The following CCDC178 variants were observed in gnomAD, a reference collection of about 807,000 sequenced individuals.
CCDC178 encodes coiled-coil domain containing 178, also known as coiled-coil domain-containing protein 178.
A neutral mutation model predicts 117.4 loss-of-function variants in CCDC178; 126 were observed. That is an observed-to-expected ratio of 1.07 (90% CI 0.93 to 1.24). CCDC178 has a LOEUF of 1.24. CCDC178 is among the 50% of genes most tolerant of loss of function. The probability of loss-of-function intolerance (pLI) is 0.00; values close to 1 mark genes in which losing one functional copy is unlikely to be tolerated. For synonymous variants in CCDC178, 283 were observed against 313.4 expected (o/e 0.90, Z 1.02); for missense variants, 1,030 against 986.9 (o/e 1.04, Z -0.59).
At chr18:32,972,591 C>G (rs749115939) in intron 22 of CCDC178, among the ~76,000 whole-genome samples, 2 of 151,862 alleles carry the variant, frequency 1.3e-5, no homozygotes, top group Non-Finnish European at 2.9e-5. Context: ...TGTTTTTAAA[C>G]AGGCATGATA....
At chr18:33,329,211 T>C (rs1445465747) in intron 10 of CCDC178, among the ~76,000 whole-genome samples, 1 of 152,028 alleles carries the variant, frequency 6.6e-6, no homozygotes, top group Admixed American at 6.5e-5. Flanking sequence ...GTATTTTCTA[T>C]ATGTTAGATC....
chr18:33,022,384 T>G (rs929912265), intron 21 of CCDC178, among the ~76,000 whole-genome samples: 1 of 152,210 alleles, frequency 6.6e-6, no homozygotes, highest in Non-Finnish European at 1.5e-5. Context: ...AAATTATATT[T>G]GGTGGTTGAA....
intron 15 of CCDC178, among the ~76,000 whole-genome samples, chr18:33,237,501 C>A (rs1316495702): frequency 2.0e-5 from 3 of 152,202 alleles, no homozygotes; most frequent in African/African-American, 7.2e-5. Flanking sequence ...GCCAGGCCAG[C>A]TGATCAGCTT....
At chr18:33,302,766 A>G (rs1599130645) in intron 11 of CCDC178, among the ~76,000 whole-genome samples, 1 of 152,368 alleles carries the variant, frequency 6.6e-6, no homozygotes, top group East Asian at 1.9e-4. Flanking sequence ...CAGAAAGTTC[A>G]AAGTTGCTTG....
intron 9 of CCDC178, among the ~76,000 whole-genome samples, chr18:33,344,852 CACATAT>C (rs1015585901): frequency 4.8e-5 from 5 of 104,272 alleles, no homozygotes; most frequent in Admixed American, 1.9e-4. Flanking sequence ...CACACACACA[CACATAT>C]ATTTATAAAT....
In CCDC178 at chr18:33,095,770, G is replaced by GTA. The variant is rs138104454; in HGVS notation, c.2239-2862_2239-2861dup. Among the ~76,000 whole-genome samples, 1,338 of 149,944 alleles carry GTA rather than the reference G, an allele frequency of 8.9e-3. 15 individuals are homozygous for GTA. Among genetic ancestry groups the GTA allele is most frequent in the African/African-American group, 0.028 (1,126 of 40,936 alleles). On this transcript the variant is annotated intron_variant, in intron 20 of 22. Coordinates refer to ENST00000383096, the MANE Select transcript of CCDC178 (RefSeq NM_001105528.4). ...TTTGATACTGTACTACTTGAGAGGT[G>GTA]TATATATATATATACACACTTTTAA...
intron 3 of CCDC178, among the ~76,000 whole-genome samples, chr18:33,408,535 A>C: frequency 6.6e-6 from 1 of 152,086 alleles, no homozygotes; most frequent in Non-Finnish European, 1.5e-5. Flanking sequence ...GTAATATATA[A>C]AATTAAATGA....
At chr18:33,207,550 G>GA (rs1380857663) in intron 20 of CCDC178, among the ~76,000 whole-genome samples, 2 of 150,200 alleles carry the variant, frequency 1.3e-5, no homozygotes, top group Non-Finnish European at 3.0e-5. Context: ...TGTTCCCTGA[G>GA]AAAATCATAA....
chr18:33,085,905 G>A (rs1173821013), intron 21 of CCDC178, among the ~76,000 whole-genome samples: 2 of 151,918 alleles, frequency 1.3e-5, no homozygotes, highest in Non-Finnish European at 2.9e-5. Context: ...ATGATTATAA[G>A]ATGTAGCTCT....
At chr18:32,943,448 T>TC (rs910490234) in intron 22 of CCDC178, among the ~76,000 whole-genome samples, 27 of 152,158 alleles carry the variant, frequency 1.8e-4, no homozygotes, top group African/African-American at 6.5e-4. Context: ...AACTAGTGCT[T>TC]CTTTTTTTTC....
At chr18:32,955,801 T>A (rs546401165) in intron 22 of CCDC178, among the ~76,000 whole-genome samples, 2 of 152,310 alleles carry the variant, frequency 1.3e-5, no homozygotes, top group African/African-American at 4.8e-5. Flanking sequence ...TTTCTTAGTG[T>A]TACATAATCT....
intron 21 of CCDC178, among the ~76,000 whole-genome samples, chr18:32,982,180 C>T (rs188191161): frequency 6.6e-6 from 1 of 152,062 alleles, no homozygotes; most frequent in Non-Finnish European, 1.5e-5. Context: ...CAAAAATTAA[C>T]TCCCCAAAGC....
intron 3 of CCDC178, among the ~76,000 whole-genome samples, chr18:33,408,206 C>A (rs992335958): frequency 4.6e-5 from 7 of 151,714 alleles, no homozygotes; most frequent in African/African-American, 1.7e-4. Flanking sequence ...AACAGGTTCA[C>A]AATTTATAGA....
intron 9 of CCDC178, among the ~76,000 whole-genome samples, chr18:33,344,964 G>A (rs1429415628): frequency 6.6e-6 from 1 of 151,772 alleles, no homozygotes; most frequent in Non-Finnish European, 1.5e-5. Context: ...ATATATAAAA[G>A]TTCTAATCTT....
At chr18:33,410,982 T>C (rs1013570270) in intron 3 of CCDC178, among the ~76,000 whole-genome samples, 5 of 152,122 alleles carry the variant, frequency 3.3e-5, no homozygotes, top group Admixed American at 3.3e-4. Flanking sequence ...GCCAAGACCC[T>C]AGACCTGTAA....
At chr18:33,156,986 T>A (rs1293137417) in intron 20 of CCDC178, among the ~76,000 whole-genome samples, 1 of 152,224 alleles carries the variant, frequency 6.6e-6, no homozygotes, top group Non-Finnish European at 1.5e-5. Context: ...TAAAACTTTG[T>A]ATCCAACATA....
At chr18:33,204,484 A>G (rs1194160643) in intron 20 of CCDC178, among the ~76,000 whole-genome samples, 1 of 152,128 alleles carries the variant, frequency 6.6e-6, no homozygotes, top group Non-Finnish European at 1.5e-5. Context: ...TGTACCAAAA[A>G]CTGTTTTAAG....
chr18:33,384,163 A>G (rs1379460885), intron 5 of CCDC178, among the ~76,000 whole-genome samples: 1 of 152,102 alleles, frequency 6.6e-6, no homozygotes, highest in Non-Finnish European at 1.5e-5. Context: ...AAGATTAGAT[A>G]AAAAAGAATG....
Position 33,092,876 on chromosome 18 carries a change from C to A in CCDC178, c.2273G>T (p.Arg758Leu), listed in dbSNP as rs62090751. Residue 758 changes from arginine (R) to leucine (L), a missense_variant, in exon 21 of 23, where the codon CGT becomes CTT. Physicochemically the swap from Arg to Leu is moderately radical, Grantham distance 102 (BLOSUM62 -2). Transcript: ENST00000383096. ...TAGCTGTTGATACTCTTGAGCTAAA[C>A]GCAGATTTTCTTCAAGTGAATCAGC... ...IIADSLEENL[R>L]LAQEYQQLQI... 3.3e-3 allele frequency: 5,132 copies of A among 1,568,174 alleles called. 12 individuals are homozygous for A. Among genetic ancestry groups the A allele is most frequent in the Non-Finnish European group, 3.5e-3 (4,103 of 1,159,896 alleles).
Sources: gnomAD v4.1 joint callset for allele counts (sites outside exome capture counted in the v4.1 genomes callset) on GRCh38, gnomAD v4.1.1 for gene constraint, MANE v1.5 for transcripts, NCBI Gene and HGNC (gene_info 2026-07-23, HGNC 2026-07-21) for gene names.